CDH4: variants seen among roughly 807,000 people sequenced by gnomAD.
The protein encoded by CDH4 is cadherin-4.
A neutral mutation model predicts 86.0 loss-of-function variants in CDH4; 33 were observed. The ratio of observed to expected loss-of-function variants is 0.38; its 90% CI spans 0.29 to 0.51. The LOEUF is 0.51. Ranked by LOEUF, CDH4 falls within the 20% of genes least tolerant of loss-of-function variation. CDH4 has a pLI of 0.86. For synonymous variants in CDH4, 555 were observed against 549.4 expected (o/e 1.01, Z -0.14); for missense variants, 1,114 against 1,307.4 (o/e 0.85, Z 2.28).
intron 6 of CDH4, 97 bp from the exon 7 acceptor site, chr20:61,873,630 CG>C: frequency 7.5e-7 from 1 of 1,340,214 alleles, no homozygotes; most frequent in Non-Finnish European, 1.0e-6. Context: ...GCCAGACTCA[CG>C]GAGAGCTCTG....
At chr20:61,796,201 T>C (rs1979529611) in intron 4 of CDH4, among the ~76,000 whole-genome samples, 1 of 152,100 alleles carries the variant, frequency 6.6e-6, no homozygotes, top group Admixed American at 6.5e-5. Flanking sequence ...ATTTTACTCC[T>C]ATCGTTTTAC....
At chr20:61,462,699 TC>T (rs1219753661) in intron 2 of CDH4, among the ~76,000 whole-genome samples, 1 of 152,188 alleles carries the variant, frequency 6.6e-6, no homozygotes, top group Non-Finnish European at 1.5e-5. Flanking sequence ...CTAGGTTTCA[TC>T]CTCCATCCTT....
intron 9 of CDH4, among the ~76,000 whole-genome samples, chr20:61,917,739 G>A (rs1019505220): frequency 4.6e-5 from 7 of 152,250 alleles, no homozygotes; most frequent in Admixed American, 1.3e-4. Flanking sequence ...ACGTGTGGGC[G>A]GCAGCCATGC....
intron 9 of CDH4, among the ~76,000 whole-genome samples, chr20:61,914,565 C>T (rs372618882): frequency 6.7e-6 from 1 of 150,174 alleles, no homozygotes; most frequent in South Asian, 2.2e-4. Flanking sequence ...CAGAATAACC[C>T]TGGAATCGAC....
intron 2 of CDH4, among the ~76,000 whole-genome samples, chr20:61,694,349 A>G (rs1292427480): frequency 6.6e-6 from 1 of 152,170 alleles, no homozygotes; most frequent in Non-Finnish European, 1.5e-5. Context: ...CTGGTTCTGC[A>G]TCAACACTGC....
At chr20:61,446,546 G>A (rs917357316) in intron 2 of CDH4, among the ~76,000 whole-genome samples, 5 of 151,526 alleles carry the variant, frequency 3.3e-5, no homozygotes, top group African/African-American at 9.8e-5. Flanking sequence ...CAGCTGATCC[G>A]CCTCATCTTA....
intron 2 of CDH4, among the ~76,000 whole-genome samples, chr20:61,668,914 C>T (rs1038836004): frequency 1.3e-5 from 2 of 152,232 alleles, no homozygotes; most frequent in Admixed American, 6.5e-5. Context: ...CGCCTGTTCT[C>T]ATCAGAGCAC....
chr20:61,743,536 C>A, intron 2 of CDH4, 27 bp from the exon 3 acceptor site: 2 of 1,541,778 alleles, frequency 1.3e-6, no homozygotes, highest in South Asian at 2.4e-5. Flanking sequence ...CCAAGCCGAC[C>A]CTGACTCTCT....
intron 4 of CDH4, among the ~76,000 whole-genome samples, chr20:61,779,807 C>T (rs965362394): frequency 6.6e-6 from 1 of 152,334 alleles, no homozygotes; most frequent in African/African-American, 2.4e-5. Flanking sequence ...GCCAAGGTGC[C>T]GGAGACCCCT....
At chr20:61,796,314 C>T (rs78947203) in intron 4 of CDH4, among the ~76,000 whole-genome samples, 3,349 of 152,182 alleles carry the variant, frequency 0.022, 125 homozygotes, top group African/African-American at 0.076. Flanking sequence ...ACATGACAAC[C>T]GCTCAAAGCC....
chr20:61,609,796 T>G (rs1453502194), intron 2 of CDH4, among the ~76,000 whole-genome samples: 1 of 152,266 alleles, frequency 6.6e-6, no homozygotes, highest in Non-Finnish European at 1.5e-5. Context: ...TGTCTGCGAA[T>G]TCTCCACTCA....
chr20:61,651,072 G>A (rs1191210187), intron 2 of CDH4, among the ~76,000 whole-genome samples: 1 of 151,982 alleles, frequency 6.6e-6, no homozygotes, highest in Admixed American at 6.6e-5. Context: ...AGTTAGCGCC[G>A]TGCTTGGCCG....
chr20:61,520,921 G>A (rs2085864221), intron 2 of CDH4, among the ~76,000 whole-genome samples: 1 of 152,196 alleles, frequency 6.6e-6, no homozygotes, highest in Non-Finnish European at 1.5e-5. Context: ...AGCAAACCCA[G>A]GTCAGTGCAG....
At chr20:61,457,698 G>A (rs2085416108) in intron 2 of CDH4, among the ~76,000 whole-genome samples, 1 of 151,992 alleles carries the variant, frequency 6.6e-6, no homozygotes, top group African/African-American at 2.4e-5. Context: ...GTGTTGGGAT[G>A]GTGATGGTTA....
chr20:61,471,837 T>C (rs919437765), intron 2 of CDH4, among the ~76,000 whole-genome samples: 2 of 152,162 alleles, frequency 1.3e-5, no homozygotes, highest in African/African-American at 4.8e-5. Flanking sequence ...CCTCTTTTAT[T>C]GATTTCTAGT....
At chr20:61,787,888 A>C (rs1953021763) in intron 4 of CDH4, among the ~76,000 whole-genome samples, 1 of 152,164 alleles carries the variant, frequency 6.6e-6, no homozygotes, top group African/African-American at 2.4e-5. Flanking sequence ...AGAGGGGCTG[A>C]ATAGAAATGG....
intron 2 of CDH4, among the ~76,000 whole-genome samples, chr20:61,309,885 A>G (rs943358166): frequency 6.6e-6 from 1 of 152,208 alleles, no homozygotes; most frequent in African/African-American, 2.4e-5. Flanking sequence ...TGAAAAATCT[A>G]TTAAAGAGAA....
chr20:61,582,308 A>G lies in CDH4; in HGVS notation c.170-161255A>G, dbSNP rs1004079653. 1.3e-5 allele frequency among the ~76,000 whole-genome samples: 2 copies of G among 152,154 alleles called. No homozygotes were observed. The highest frequency in any genetic ancestry group is 6.5e-5 in the Admixed American group (1 of 15,286). On this transcript the variant is annotated intron_variant, in intron 2 of 15. Coordinates refer to ENST00000614565, the MANE Select transcript of CDH4 (RefSeq NM_001794.5). The surrounding 1 kb of genome is among the most constrained non-coding windows in gnomAD (Gnocchi z 4.2). ...GCCTCCTTATCTGTTTCCATGAGCC[A>G]GGTGCCCTGCACGGATCCGCTCTCC...
Position 61,423,729 on chromosome 20 carries a change from C to T in CDH4, c.169+168792C>T, listed in dbSNP as rs2085193266. ...CACTTAAATCCTTTGATTTCTGCATCATTAATAACACTTCCTCAGGTCCTA... is the reference window on the plus strand; with the variant it reads ...CACTTAAATCCTTTGATTTCTGCATTATTAATAACACTTCCTCAGGTCCTA... On this transcript the variant is annotated intron_variant, in intron 2 of 15. Transcript: ENST00000614565. Among the ~76,000 whole-genome samples the T allele has an allele frequency of 2.0e-5, 3 of 152,160 alleles. No individual in the cohort carries two copies. The South Asian group carries it at 6.2e-4, about 32-fold the overall frequency.
Sources: gnomAD v4.1 joint callset for allele counts (sites outside exome capture counted in the v4.1 genomes callset) on GRCh38, gnomAD v4.1.1 for gene constraint, Gnocchi (gnomAD v3.1) non-coding constraint, MANE v1.5 for transcripts, NCBI Gene and HGNC (gene_info 2026-07-23, HGNC 2026-07-21) for gene names.